Variants in ITPR2 observed in about 807,000 individuals in gnomAD.
The protein encoded by ITPR2 is inositol 1,4,5-trisphosphate-gated calcium channel ITPR2.
ITPR2 carries 207 observed loss-of-function variants against 317.1 expected under a neutral mutation model. The ratio of observed to expected loss-of-function variants is 0.65; its 90% confidence interval spans 0.58 to 0.73. The LOEUF (loss-of-function observed/expected upper bound fraction) is 0.73. Among genes scored for constraint, ITPR2 ranks in the 30% least tolerant of loss-of-function variants. ITPR2 has a pLI of 0.00. For synonymous variants in ITPR2, 1,156 were observed against 1,149.1 expected (o/e 1.01, Z -0.12); for missense variants, 2,613 against 3,284.0 (o/e 0.80, Z 4.99).
intron 34 of ITPR2, among the ~76,000 whole-genome samples, chr12:26,567,936 G>A (rs1945017942): frequency 4.5e-5 from 3 of 67,108 alleles, no homozygotes; most frequent in South Asian, 4.5e-4. Context: ...GAAAAATTCT[G>A]GTATATATAT....
At chr12:26,690,671 T>A (rs968596560) in intron 10 of ITPR2, among the ~76,000 whole-genome samples, 3 of 152,302 alleles carry the variant, frequency 2.0e-5, no homozygotes, top group Non-Finnish European at 4.4e-5. Flanking sequence ...TCCTACAGAA[T>A]GCCCTCCTAC....
chr12:26,421,233 G>A (rs986306230), intron 49 of ITPR2: 2 of 152,162 alleles, frequency 1.3e-5, no homozygotes, highest in Non-Finnish European at 2.9e-5. Context: ...ATTTTCACTT[G>A]AAAAATAAAG....
chr12:26,704,145 G>A lies in ITPR2; in HGVS notation c.951+7028C>T, dbSNP rs114180076. On this transcript the variant is annotated intron_variant, in intron 9 of 56. Transcript: ENST00000381340. ...ACAATTTAAGTTGCTACACAATAGC[G>A]TGAGTTAAACTCAAATGTATAGACC... is the stretch of plus-strand genomic sequence containing the variant. Among the ~76,000 whole-genome samples, 783 of 152,240 alleles carry A rather than the reference G, an allele frequency of 5.1e-3. 3 individuals are homozygous for A. The highest frequency in any genetic ancestry group is 0.018 in the African/African-American group (732 of 41,514).
At chr12:26,530,820 C>T (rs1439046173) in intron 37 of ITPR2, among the ~76,000 whole-genome samples, 1 of 152,140 alleles carries the variant, frequency 6.6e-6, no homozygotes, top group Non-Finnish European at 1.5e-5. Flanking sequence ...TTTCTTTTCT[C>T]ATTTTGAGTT....
intron 55 of ITPR2, among the ~76,000 whole-genome samples, chr12:26,385,143 C>T (rs1203389640): frequency 6.6e-6 from 1 of 152,136 alleles, no homozygotes; most frequent in Non-Finnish European, 1.5e-5. Context: ...AAGACTCATC[C>T]ATGAAATCCA....
intron 39 of ITPR2, among the ~76,000 whole-genome samples, chr12:26,487,827 T>A (rs1942707002): frequency 6.6e-6 from 1 of 152,224 alleles, no homozygotes; most frequent in Non-Finnish European, 1.5e-5. Flanking sequence ...GTTACCATGG[T>A]AGCCTCACTC....
chr12:26,401,253 T>C (rs998732909), intron 52 of ITPR2, among the ~76,000 whole-genome samples: 1 of 151,480 alleles, frequency 6.6e-6, no homozygotes, highest in African/African-American at 2.4e-5. Flanking sequence ...ACATTTAGGG[T>C]ATGTAAAATA....
intron 48 of ITPR2, among the ~76,000 whole-genome samples, chr12:26,433,534 A>C (rs1338097028): frequency 7.0e-6 from 1 of 142,322 alleles, no homozygotes; most frequent in Non-Finnish European, 1.5e-5. Context: ...GTGTTAAAGA[A>C]AATGAGTTCT....
chr12:26,367,142 G>T, intron 55 of ITPR2, among the ~76,000 whole-genome samples: 1 of 152,244 alleles, frequency 6.6e-6, no homozygotes, highest in South Asian at 2.1e-4. Flanking sequence ...TTTTATCTCT[G>T]AAGGGCCTTT....
At chr12:26,546,724 A>G (rs1178457545) in intron 37 of ITPR2, among the ~76,000 whole-genome samples, 2 of 152,204 alleles carry the variant, frequency 1.3e-5, no homozygotes, top group Non-Finnish European at 2.9e-5. Context: ...CCAATGGAAC[A>G]GAATGAAGAA....
intron 11 of ITPR2, 122 bp from the exon 12 acceptor site, chr12:26,682,795 G>C (rs776996861): frequency 2.7e-5 from 17 of 621,032 alleles, no homozygotes; most frequent in Non-Finnish European, 4.7e-5. Flanking sequence ...ATTGACTCAA[G>C]ATCCCTCTGC....
intron 34 of ITPR2, among the ~76,000 whole-genome samples, chr12:26,563,196 G>C (rs1944868320): frequency 6.6e-6 from 1 of 152,208 alleles, no homozygotes; most frequent in Non-Finnish European, 1.5e-5. Context: ...TACCTGACTG[G>C]ACAGAATGCC....
intron 45 of ITPR2, among the ~76,000 whole-genome samples, chr12:26,452,801 G>A (rs190906765): frequency 4.6e-5 from 7 of 152,144 alleles, no homozygotes; most frequent in South Asian, 2.1e-4. Flanking sequence ...ACCAGAAGGC[G>A]ACCAAATGCA....
intron 21 of ITPR2, among the ~76,000 whole-genome samples, chr12:26,633,649 A>G (rs1299505491): frequency 1.3e-5 from 2 of 152,246 alleles, no homozygotes; most frequent in Non-Finnish European, 2.9e-5. Context: ...TTCTCAAACA[A>G]TCATAGCAAT....
chr12:26,436,410 CT>C, intron 47 of ITPR2, 64 bp from the exon 48 acceptor site: 1 of 1,431,424 alleles, frequency 7.0e-7, no homozygotes, highest in Non-Finnish European at 9.4e-7. Context: ...ACACATGAAG[CT>C]TACCAAAACA....
Position 26,338,450 on chromosome 12 carries a change from A to C in ITPR2, c.*947T>G, listed in dbSNP as rs1433200007. 2.0e-5 allele frequency: 3 copies of C among 152,626 alleles called. No homozygotes were observed. The highest frequency in any genetic ancestry group is 7.2e-5 in the African/African-American group (3 of 41,432). The allele number at this position is 152,626 out of a possible 1,614,324, so 9.5% of individuals were successfully genotyped here. On this transcript the variant is annotated 3_prime_UTR_variant, in exon 57 of 57. Transcript: ENST00000381340. The stretch of plus-strand genomic sequence containing the variant: ...CGCTCGGGTCCTGAAGCAATTCTTT[A>C]AGCACAGCAAACGTTGAGTCAAATG...
At chr12:26,588,037 G>A (rs1002735687) in intron 32 of ITPR2, among the ~76,000 whole-genome samples, 2 of 152,204 alleles carry the variant, frequency 1.3e-5, no homozygotes, top group African/African-American at 2.4e-5. Flanking sequence ...AATGCCTAGA[G>A]TGAGTAATAG....
intron 2 of ITPR2, among the ~76,000 whole-genome samples, chr12:26,773,031 T>G (rs187305898): frequency 6.6e-6 from 1 of 152,300 alleles, no homozygotes; most frequent in Non-Finnish European, 1.5e-5. Context: ...TGTATTAGTT[T>G]GCTTAGAATG....
chr12:26,407,066 T>C (rs921274869), intron 52 of ITPR2, among the ~76,000 whole-genome samples: 7 of 152,160 alleles, frequency 4.6e-5, no homozygotes, highest in Non-Finnish European at 1.0e-4. Flanking sequence ...TCCTCCCTAC[T>C]CTGGCAGCTA....
Sources: allele counts gnomAD v4.1 joint callset (sites outside exome capture counted in the v4.1 genomes callset), GRCh38; gene constraint gnomAD v4.1.1; transcripts MANE v1.5; gene names NCBI Gene and HGNC (gene_info 2026-07-23, HGNC 2026-07-21).